Variants in HMBOX1 observed in about 807,000 individuals in gnomAD.
HMBOX1 encodes the protein homeobox containing 1.
In HMBOX1, 14 loss-of-function variants were observed where a neutral mutation model predicts 54.5. The ratio of observed to expected loss-of-function variants is 0.26; its 90% CI spans 0.17 to 0.40. The LOEUF (loss-of-function observed/expected upper bound fraction) is 0.40. Among genes scored for constraint, HMBOX1 ranks in the 10% least tolerant of loss-of-function variants. The pLI is 1.00. For missense variants in HMBOX1, 332 were observed against 514.4 expected (o/e 0.65, Z 3.43); for synonymous variants, 160 against 181.0 (o/e 0.88, Z 0.93).
chr8:28,897,173 C>T (rs764434301), intron 1 of HMBOX1, among the ~76,000 whole-genome samples: 7 of 151,746 alleles, frequency 4.6e-5, no homozygotes, highest in East Asian at 1.9e-4. Flanking sequence ...TTAATAGAGA[C>T]GGGGTTTCTC....
intron 1 of HMBOX1, among the ~76,000 whole-genome samples, chr8:28,938,736 A>G (rs1820825153): frequency 6.6e-6 from 1 of 151,644 alleles, no homozygotes; most frequent in African/African-American, 2.4e-5. Flanking sequence ...GGCATGAGCC[A>G]CCTCACCTGG....
intron 6 of HMBOX1, among the ~76,000 whole-genome samples, chr8:29,024,254 C>T (rs1356255359): frequency 6.6e-6 from 1 of 152,170 alleles, no homozygotes; most frequent in Non-Finnish European, 1.5e-5. Context: ...AAAGTGGTAA[C>T]ATTTTGGGTG....
intron 7 of HMBOX1, among the ~76,000 whole-genome samples, chr8:29,045,908 C>T (rs754575314): frequency 6.6e-6 from 1 of 152,166 alleles, no homozygotes; most frequent in Non-Finnish European, 1.5e-5. Context: ...CTCCTTTCCA[C>T]ATTGAGATGA....
intron 6 of HMBOX1, among the ~76,000 whole-genome samples, chr8:29,037,162 A>C (rs1804022498): frequency 6.6e-6 from 1 of 152,204 alleles, no homozygotes; most frequent in Non-Finnish European, 1.5e-5. Flanking sequence ...TGAAAGGTTG[A>C]TATGGACAGA....
chr8:28,894,474 C>G (rs1811676547), intron 1 of HMBOX1, among the ~76,000 whole-genome samples: 1 of 152,114 alleles, frequency 6.6e-6, no homozygotes, highest in Admixed American at 6.6e-5. Context: ...CATTCCAAAC[C>G]ATTATTTTCA....
chr8:28,956,423 T>C (rs1824455259), intron 1 of HMBOX1, among the ~76,000 whole-genome samples: 1 of 152,146 alleles, frequency 6.6e-6, no homozygotes, highest in Non-Finnish European at 1.5e-5. Context: ...TTCTAAATTT[T>C]GTTGTAGATG....
At position 28,914,002 on chromosome 8, in the gene HMBOX1, A is replaced by G. The variant is rs1169732147; in HGVS notation, c.-58+23324A>G. On this transcript the variant is annotated intron_variant, in intron 1 of 9. Coordinates refer to ENST00000287701, the MANE Select transcript of HMBOX1 (RefSeq NM_001135726.3). ...TCTTCTGCCCCAGCCTCCCAAGTAGATGGGACTACAGGCATGTGCCACCAC... is the reference window on the plus strand; with the variant it reads ...TCTTCTGCCCCAGCCTCCCAAGTAGGTGGGACTACAGGCATGTGCCACCAC... Among the ~76,000 whole-genome samples, 3 of 151,896 alleles carry G rather than the reference A, an allele frequency of 2.0e-5. No homozygotes were observed. In the East Asian group the frequency reaches 5.8e-4, roughly 30 times the overall value.
chr8:28,953,198 T>C (rs966636111), intron 1 of HMBOX1, among the ~76,000 whole-genome samples: 1 of 152,234 alleles, frequency 6.6e-6, no homozygotes, highest in Admixed American at 6.5e-5. Flanking sequence ...TTTGAGAGAT[T>C]CATATTTCAA....
intron 6 of HMBOX1, among the ~76,000 whole-genome samples, chr8:29,019,428 A>C (rs1416929997): frequency 6.6e-6 from 1 of 152,022 alleles, no homozygotes; most frequent in Admixed American, 6.6e-5. Context: ...TTTTAACCTG[A>C]ATTTGACCGT....
At chr8:29,045,650 T>C (rs1805466250) in intron 7 of HMBOX1, among the ~76,000 whole-genome samples, 1 of 152,220 alleles carries the variant, frequency 6.6e-6, no homozygotes, top group Admixed American at 6.5e-5. Flanking sequence ...AATGCTCACA[T>C]AGGAGAGTTT....
chr8:29,044,723 A>G (rs530298829), intron 6 of HMBOX1, among the ~76,000 whole-genome samples: 5 of 152,286 alleles, frequency 3.3e-5, no homozygotes, highest in South Asian at 2.1e-4. Context: ...GGTGTTTTCA[A>G]TATTATTCTG....
chr8:29,018,140 T>C (rs749883272), intron 5 of HMBOX1, among the ~76,000 whole-genome samples: 1 of 152,212 alleles, frequency 6.6e-6, no homozygotes, highest in Non-Finnish European at 1.5e-5. Flanking sequence ...AATAAGTTCA[T>C]GGAGGTCACA....
In HMBOX1 at chr8:28,909,852, C is replaced by CT. The variant is rs879391869; in HGVS notation, c.-58+19186dup. Among the ~76,000 whole-genome samples, 787 of 146,640 alleles carry CT rather than the reference C, an allele frequency of 5.4e-3. 7 individuals are homozygous for CT. Among genetic ancestry groups the CT allele is most frequent in the Non-Finnish European group, 7.5e-3 (499 of 66,160 alleles). Reference sequence around the variant, plus strand: ...ACACCACGACAATCCAATTTTAGAACTTTTTTTTTTTTGAGACCCATTTTT... The same window carrying CT: ...ACACCACGACAATCCAATTTTAGAACTTTTTTTTTTTTTGAGACCCATTTTT... On this transcript the variant is annotated intron_variant, in intron 1 of 9. Transcript: ENST00000287701.
intron 4 of HMBOX1, among the ~76,000 whole-genome samples, chr8:28,989,038 C>T (rs553862992): frequency 2.6e-5 from 4 of 152,064 alleles, no homozygotes; most frequent in East Asian, 1.9e-4. Flanking sequence ...TTTGGGAGGC[C>T]GAGGCGGGCG....
chr8:29,049,477 C>T (rs773378578), intron 9 of HMBOX1: 24 of 1,465,236 alleles, frequency 1.6e-5, no homozygotes, highest in East Asian at 1.0e-4. Flanking sequence ...CACGTACCGA[C>T]GCAGGGCACG....
chr8:28,898,862 G>T (rs1390515078), intron 1 of HMBOX1, among the ~76,000 whole-genome samples: 1 of 152,174 alleles, frequency 6.6e-6, no homozygotes, highest in Non-Finnish European at 1.5e-5. Flanking sequence ...TCCTTATCCC[G>T]TGACCTTGGT....
intron 1 of HMBOX1, among the ~76,000 whole-genome samples, chr8:28,924,102 T>G (rs1287255365): frequency 6.0e-5 from 8 of 133,350 alleles, no homozygotes; most frequent in Admixed American, 8.3e-5. Context: ...GACATAAGTG[T>G]TTTTTTTTGG....
intron 4 of HMBOX1, among the ~76,000 whole-genome samples, chr8:29,007,195 G>A (rs1048584748): frequency 3.0e-4 from 46 of 151,900 alleles, no homozygotes; most frequent in African/African-American, 1.1e-3. Context: ...AGGCTGAGGC[G>A]GGGGAATCGC....
chr8:28,893,146 T>G (rs1424999794), intron 1 of HMBOX1, among the ~76,000 whole-genome samples: 2 of 152,222 alleles, frequency 1.3e-5, no homozygotes, highest in African/African-American at 4.8e-5. Flanking sequence ...TTTTTCTGGC[T>G]ACTAGTGGGA....
Sources: gnomAD v4.1 joint callset for allele counts (sites outside exome capture counted in the v4.1 genomes callset) on GRCh38, gnomAD v4.1.1 for gene constraint, MANE v1.5 for transcripts, NCBI Gene and HGNC (gene_info 2026-07-23, HGNC 2026-07-21) for gene names.